Variants in NRXN1 observed in about 807,000 individuals in gnomAD.
The protein encoded by NRXN1 is neurexin-1.
NRXN1 carries 39 observed loss-of-function variants against 150.9 expected under a neutral mutation model. The observed-to-expected ratio is 0.26, with a 90% CI of 0.20 to 0.34. NRXN1 has a LOEUF of 0.34. NRXN1 is among the 10% of genes least tolerant of loss of function. The pLI, the probability that NRXN1 is intolerant of heterozygous loss-of-function variation, is 1.00. For missense variants in NRXN1, 1,815 were observed against 1,949.9 expected (o/e 0.93, Z 1.30); for synonymous variants, 924 against 757.0 (o/e 1.22, Z -3.62).
At chr2:50,315,088 G>T (rs747304922) in intron 17 of NRXN1, among the ~76,000 whole-genome samples, 2 of 151,876 alleles carry the variant, frequency 1.3e-5, no homozygotes, top group Non-Finnish European at 2.9e-5. Context: ...TAATGCTTGG[G>T]TTCTTTTTTT....
At chr2:51,009,938 A>C (rs1457915530) in intron 2 of NRXN1, among the ~76,000 whole-genome samples, 3 of 151,936 alleles carry the variant, frequency 2.0e-5, no homozygotes, top group Non-Finnish European at 4.4e-5. Context: ...TTAAAAAAAA[A>C]ATCCTTAGAA....
rs570868656 is a variant in NRXN1, at chr2:50,758,875, G to C, written c.833-135260C>G. Among the ~76,000 whole-genome samples the C allele has an allele frequency of 1.1e-4, 17 of 151,994 alleles. No individual in the cohort carries two copies. The South Asian group carries it at 2.3e-3, about 20-fold the overall frequency. ...AATGAGTGTGGTCTATCCAACACGA[G>C]GATTCTTTCCAAGGCAATTTGGAGC... On this transcript the variant is annotated intron_variant, in intron 5 of 22. Transcript: ENST00000401669.
At chr2:50,812,427 C>T (rs1484547176) in intron 5 of NRXN1, among the ~76,000 whole-genome samples, 1 of 152,010 alleles carries the variant, frequency 6.6e-6, no homozygotes, top group Non-Finnish European at 1.5e-5. Flanking sequence ...TTACAGACGA[C>T]AAGCATTATG....
chr2:50,639,896 T>A (rs1290635174), intron 5 of NRXN1, among the ~76,000 whole-genome samples: 1 of 152,160 alleles, frequency 6.6e-6, no homozygotes, highest in Non-Finnish European at 1.5e-5. Context: ...GTTCGAATAT[T>A]CCTACTTAAA....
chr2:50,168,835 T>C (rs2059843172), intron 18 of NRXN1, among the ~76,000 whole-genome samples: 1 of 152,218 alleles, frequency 6.6e-6, no homozygotes, highest in East Asian at 1.9e-4. Flanking sequence ...CAGCTGATGG[T>C]GATTTCGTCT....
intron 17 of NRXN1, among the ~76,000 whole-genome samples, chr2:50,349,407 G>A (rs750111828): frequency 1.3e-4 from 20 of 152,034 alleles, no homozygotes; most frequent in Non-Finnish European, 2.9e-4. Flanking sequence ...GTGATTATTC[G>A]TTTTAAAAAT....
chr2:49,947,320 C>T (rs1020548082), intron 21 of NRXN1, among the ~76,000 whole-genome samples: 3 of 151,912 alleles, frequency 2.0e-5, no homozygotes, highest in Non-Finnish European at 4.4e-5. Context: ...AAACCAATGG[C>T]TCTCACATCA....
intron 15 of NRXN1, among the ~76,000 whole-genome samples, chr2:50,491,344 A>G (rs1472267117): frequency 6.6e-6 from 1 of 152,220 alleles, no homozygotes; most frequent in East Asian, 1.9e-4. Flanking sequence ...AGAAGAAAAG[A>G]GCAAGAATAC....
At chr2:50,992,123 C>T (rs914036629) in intron 2 of NRXN1, among the ~76,000 whole-genome samples, 21 of 151,924 alleles carry the variant, frequency 1.4e-4, no homozygotes, top group African/African-American at 4.3e-4. Context: ...GAAGAATAAA[C>T]CTGGCTGTTT....
intron 22 of NRXN1, among the ~76,000 whole-genome samples, chr2:49,933,507 G>C (rs903087370): frequency 1.2e-4 from 18 of 152,126 alleles, no homozygotes; most frequent in Non-Finnish European, 2.5e-4. Context: ...TCTTAGAAAA[G>C]CAGTGAAGAG....
At chr2:50,032,727 A>C (rs1689363681) in intron 21 of NRXN1, among the ~76,000 whole-genome samples, 1 of 152,022 alleles carries the variant, frequency 6.6e-6, no homozygotes, top group African/African-American at 2.4e-5. Context: ...TATGAGAATA[A>C]AAAGAGACAC....
At chr2:50,728,437 G>A (rs1403229996) in intron 5 of NRXN1, among the ~76,000 whole-genome samples, 2 of 152,098 alleles carry the variant, frequency 1.3e-5, no homozygotes, top group African/African-American at 4.8e-5. Flanking sequence ...CCCTACAGAT[G>A]CAGAAAACCA....
intron 17 of NRXN1, among the ~76,000 whole-genome samples, chr2:50,303,163 C>A (rs2074317430): frequency 6.6e-6 from 1 of 152,172 alleles, no homozygotes; most frequent in Non-Finnish European, 1.5e-5. Context: ...TTCTTTTAAG[C>A]ATATACAACC....
Position 50,623,593 on chromosome 2 carries a change from C to A in NRXN1, c.855G>T (p.Thr285=), listed in dbSNP as rs201753471. 2 of 1,611,624 alleles carry A rather than the reference C, an allele frequency of 1.2e-6. No homozygotes were observed. Among genetic ancestry groups the A allele is most frequent in the South Asian group, 1.1e-5 (1 of 91,040 alleles). Residue 285 remains threonine (T), a synonymous_variant, in exon 6 of 23, where the codon ACG becomes ACT. Coordinates refer to ENST00000401669, the MANE Select transcript of NRXN1 (RefSeq NM_001330078.2). ...AGCAGAAGTATTCAGATCCTTTGAA[C>A]GTGGCAATATATTCTTCTTTTCCTA... The part of the protein sequence containing the change: ...KSKGKEEYIA[T]FKGSEYFCYD...
intron 18 of NRXN1, among the ~76,000 whole-genome samples, chr2:50,105,058 T>A (rs1701454667): frequency 6.6e-6 from 1 of 151,984 alleles, no homozygotes; most frequent in Non-Finnish European, 1.5e-5. Flanking sequence ...TCAATCCAGG[T>A]CTATCTGGTT....
Position 50,658,411 on chromosome 2 carries a change from G to GGTGTGTGTGTGTGTGTGTGTGTGTGTGT in NRXN1, c.833-34824_833-34797dup, listed in dbSNP as rs58970263. Among the ~76,000 whole-genome samples the GGTGTGTGTGTGTGTGTGTGTGTGTGTGT allele has an allele frequency of 1.1e-3, 156 of 144,764 alleles. 1 individual carries two copies. Among genetic ancestry groups the GGTGTGTGTGTGTGTGTGTGTGTGTGTGT allele is most frequent in the African/African-American group, 2.3e-3 (88 of 38,412 alleles). 95.0% of individuals were successfully genotyped at this position (144,764 alleles called of 152,430 possible). ...TTAATTTACAGGAAATGCATTCACTGGTGTGTGTGTGTGTGTGTGTGTGTG... is the reference window on the plus strand; with the variant it reads ...TTAATTTACAGGAAATGCATTCACTGGTGTGTGTGTGTGTGTGTGTGTGTGTGTGTGTGTGTGTGTGTGTGTGTGTGTG... On this transcript the variant is annotated intron_variant, in intron 5 of 22. Coordinates refer to ENST00000401669, the MANE Select transcript of NRXN1 (RefSeq NM_001330078.2).
chr2:50,512,282 A>G (rs1228736754), intron 12 of NRXN1, among the ~76,000 whole-genome samples: 1 of 152,188 alleles, frequency 6.6e-6, no homozygotes, highest in Non-Finnish European at 1.5e-5. Flanking sequence ...AGCCTTAAAG[A>G]GGCTCTTCTA....
At chr2:50,546,242 C>T (rs1282364020) in intron 9 of NRXN1, among the ~76,000 whole-genome samples, 2 of 152,126 alleles carry the variant, frequency 1.3e-5, no homozygotes, top group African/African-American at 2.4e-5. Flanking sequence ...AGGCTTGACA[C>T]CCTTATCTCA....
chr2:50,986,920 C>A (rs1268120705), intron 2 of NRXN1, among the ~76,000 whole-genome samples: 8 of 151,408 alleles, frequency 5.3e-5, no homozygotes, highest in Non-Finnish European at 1.5e-5. Context: ...AAAACAGCAC[C>A]CTGAAATCTT....
Sources: gnomAD v4.1 joint callset for allele counts (sites outside exome capture counted in the v4.1 genomes callset) on GRCh38, gnomAD v4.1.1 for gene constraint, MANE v1.5 for transcripts, NCBI Gene and HGNC (gene_info 2026-07-23, HGNC 2026-07-21) for gene names.